Variants in ARL13B observed in about 807,000 individuals in gnomAD.
The protein encoded by ARL13B is ADP-ribosylation factor-like protein 13B.
ARL13B carries 36 observed loss-of-function variants against 56.1 expected under a neutral mutation model. That is an observed-to-expected ratio of 0.64 (90% CI 0.49 to 0.85). ARL13B has a LOEUF of 0.85. Among genes scored for constraint, ARL13B ranks in the 40% least tolerant of loss-of-function variants. The pLI, the probability that ARL13B is intolerant of heterozygous loss-of-function variation, is 0.00. For synonymous variants in ARL13B, 178 were observed against 171.1 expected, an observed-to-expected ratio of 1.04 and a Z score of -0.32; for missense variants, 519 against 507.1, an observed-to-expected ratio of 1.02 and a Z score of -0.23.
chr3:94,015,128 C>T, intron 3 of ARL13B: 1 of 1,613,976 alleles, frequency 6.2e-7, no homozygotes, highest in Non-Finnish European at 8.5e-7. Flanking sequence ...AGGTGTCTCT[C>T]AGCTACAGGC....
At chr3:94,016,028 G>A (rs774210748) in intron 3 of ARL13B, among the ~76,000 whole-genome samples, 5 of 152,018 alleles carry the variant, frequency 3.3e-5, no homozygotes, top group Non-Finnish European at 5.9e-5. Context: ...TATTTTAGGA[G>A]TAATAATGAT....
intron 5 of ARL13B, 29 bp from the exon 6 acceptor site, chr3:94,039,851 A>T: frequency 6.2e-7 from 1 of 1,601,814 alleles, no homozygotes; most frequent in Non-Finnish European, 8.5e-7. Context: ...TCTCAAAGGA[A>T]ATTTCAATTA....
At chr3:94,027,422 A>G (rs1233251837) in intron 3 of ARL13B, among the ~76,000 whole-genome samples, 1 of 152,102 alleles carries the variant, frequency 6.6e-6, no homozygotes, top group Non-Finnish European at 1.5e-5. Context: ...ATTAACTTGT[A>G]TAACAACATT....
intron 1 of ARL13B, among the ~76,000 whole-genome samples, chr3:93,991,331 C>G (rs1704139011): frequency 6.6e-6 from 1 of 152,144 alleles, no homozygotes; most frequent in Non-Finnish European, 1.5e-5. Context: ...CCAAACTGTT[C>G]CCAATAATAA....
chr3:93,995,409 C>T (rs999103025), intron 1 of ARL13B, among the ~76,000 whole-genome samples: 8 of 151,878 alleles, frequency 5.3e-5, no homozygotes, highest in Non-Finnish European at 8.8e-5. Context: ...AAAATGTTAG[C>T]ACTTCATAAT....
At position 94,000,619 on chromosome 3, in the gene ARL13B, ATG is replaced by A. The variant is rs546779411; in HGVS notation, c.131-3022_131-3021del. ...ATGTTTCATATGTAGTTATTTGTGT[ATG>A]TGTGTGTGTGTGTGTGTATATGTAT... On this transcript the variant is annotated intron_variant, in intron 2 of 9. Coordinates refer to ENST00000394222, the MANE Select transcript of ARL13B (RefSeq NM_001174150.2). Among the ~76,000 whole-genome samples, 55 of 148,634 alleles carry A rather than the reference ATG, an allele frequency of 3.7e-4. No individual in the cohort carries two copies. The Middle Eastern group carries it at 0.01, about 28-fold the overall frequency.
At chr3:94,027,608 A>G (rs2076584597) in intron 3 of ARL13B, among the ~76,000 whole-genome samples, 2 of 152,058 alleles carry the variant, frequency 1.3e-5, no homozygotes, top group Non-Finnish European at 2.9e-5. Flanking sequence ...TACATATAAA[A>G]GTCATTATTA....
chr3:93,989,011 C>T lies in ARL13B; in HGVS notation c.60-6863C>T, dbSNP rs560113688. 2.6e-5 allele frequency: 7 copies of T among 264,890 alleles called. No individual in the cohort carries two copies. In the East Asian group the frequency reaches 7.2e-4, roughly 27 times the overall value. 16.4% of individuals were successfully genotyped at this position (264,890 alleles called of 1,614,324 possible). Reference sequence around the variant, plus strand: ...CACGGAGCTGAGAGCCTTCGCGAAGCTGGGCTGCCTGGCTACTGGCACTCC... The same window carrying T: ...CACGGAGCTGAGAGCCTTCGCGAAGTTGGGCTGCCTGGCTACTGGCACTCC... On this transcript the variant is annotated intron_variant, in intron 1 of 9. Transcript: ENST00000394222.
chr3:94,049,727 A>G (rs535124172), intron 8 of ARL13B, among the ~76,000 whole-genome samples: 29 of 152,270 alleles, frequency 1.9e-4, no homozygotes, highest in Admixed American at 1.2e-3. Flanking sequence ...TGTTTTATAA[A>G]GAAAAAAATA....
At chr3:93,983,898 C>G (rs1268306479) in intron 1 of ARL13B, among the ~76,000 whole-genome samples, 2 of 152,136 alleles carry the variant, frequency 1.3e-5, no homozygotes, top group Non-Finnish European at 2.9e-5. Flanking sequence ...CCAGCACAGA[C>G]AGAAATCCAC....
In ARL13B at chr3:94,053,679, G is replaced by T; in HGVS notation, c.*416G>T. On this transcript the variant is annotated 3_prime_UTR_variant, in exon 10 of 10. Transcript: ENST00000394222. ...TATGCACATAGAAGGGGGACTTCTAGGAATTTATAACCAAAATTTTAAAAC... is the reference window on the plus strand; with the variant it reads ...TATGCACATAGAAGGGGGACTTCTATGAATTTATAACCAAAATTTTAAAAC... 3 of 305,876 alleles carry T rather than the reference G, an allele frequency of 9.8e-6. No homozygotes were observed. Among genetic ancestry groups the T allele is most frequent in the African/African-American group, 2.2e-5 (1 of 44,472 alleles). The allele number at this position is 305,876 out of a possible 1,614,324, so 18.9% of individuals were successfully genotyped here.
intron 7 of ARL13B, among the ~76,000 whole-genome samples, chr3:94,045,053 C>T (rs1270335000): frequency 6.6e-6 from 1 of 152,174 alleles, no homozygotes; most frequent in African/African-American, 2.4e-5. Context: ...GTTACTGTGT[C>T]TGTGTAGAAA....
chr3:93,980,681 A>G (rs571165503), intron 1 of ARL13B, among the ~76,000 whole-genome samples, 199 bp downstream of exon 1: 114 of 152,038 alleles, frequency 7.5e-4, no homozygotes, highest in Non-Finnish European at 1.3e-3. Flanking sequence ...GCGATTGACA[A>G]TGCTTACCGT....
Position 94,053,475 on chromosome 3 carries a change from A to G in ARL13B, c.*212A>G. The G allele has an allele frequency of 1.5e-6, 1 of 668,420 alleles. No homozygotes were observed. Among genetic ancestry groups the G allele is most frequent in the Non-Finnish European group, 2.7e-6 (1 of 366,302 alleles). The allele number at this position is 668,420 out of a possible 1,614,324, so 41.4% of individuals were successfully genotyped here. On this transcript the variant is annotated 3_prime_UTR_variant, in exon 10 of 10. Coordinates refer to ENST00000394222, the MANE Select transcript of ARL13B (RefSeq NM_001174150.2). Reference sequence around the variant, plus strand: ...ATAAAAGAAGCACAATGACCAGTACATGAAATCAGCATTTGGACCAAATTA... The same window carrying G: ...ATAAAAGAAGCACAATGACCAGTACGTGAAATCAGCATTTGGACCAAATTA...
chr3:93,987,496 A>ATC (rs1237365642), intron 1 of ARL13B, among the ~76,000 whole-genome samples: 1 of 151,916 alleles, frequency 6.6e-6, no homozygotes, highest in Non-Finnish European at 1.5e-5. Flanking sequence ...GGATCCCTTA[A>ATC]TCTCTACCTT....
Position 93,995,852 on chromosome 3 carries a change from T to A in ARL13B, c.60-22T>A, listed in dbSNP as rs764346313. ...TACTAAATTAACAAAGAAAGTGATT[T>A]TTAAATTTCTATTATTTTAAGAAAG... On this transcript the variant is annotated intron_variant, in intron 1 of 9. Coordinates refer to ENST00000394222, the MANE Select transcript of ARL13B (RefSeq NM_001174150.2). The A allele has an allele frequency of 3.1e-6, 5 of 1,591,646 alleles. No homozygotes were observed. In the South Asian group the frequency reaches 4.5e-5, roughly 14 times the overall value.
At chr3:93,983,605 C>T (rs567076024) in intron 1 of ARL13B, among the ~76,000 whole-genome samples, 1 of 152,076 alleles carries the variant, frequency 6.6e-6, no homozygotes, top group Non-Finnish European at 1.5e-5. Flanking sequence ...TTTTTCATCT[C>T]CTTCACATTA....
chr3:94,020,411 A>G (rs974670381), intron 3 of ARL13B, among the ~76,000 whole-genome samples: 4 of 152,198 alleles, frequency 2.6e-5, no homozygotes, highest in African/African-American at 7.2e-5. Flanking sequence ...AGATTCTGGC[A>G]GTATAGTTTG....
chr3:94,007,390 A>T (rs1391301821), intron 3 of ARL13B, among the ~76,000 whole-genome samples: 2 of 152,168 alleles, frequency 1.3e-5, no homozygotes, highest in Non-Finnish European at 2.9e-5. Context: ...GCATGTTGTG[A>T]TGGCAAATAA....
Sources: gnomAD v4.1 joint callset for allele counts (sites outside exome capture counted in the v4.1 genomes callset) on GRCh38, gnomAD v4.1.1 for gene constraint, MANE v1.5 for transcripts, NCBI Gene and HGNC (gene_info 2026-07-23, HGNC 2026-07-21) for gene names.